The following KALRN variants were observed in gnomAD, a reference collection of about 807,000 sequenced individuals.
KALRN encodes the protein kalirin.
KALRN carries 70 observed loss-of-function variants against 353.7 expected under a neutral mutation model. The ratio of observed to expected loss-of-function variants is 0.20; its 90% CI spans 0.16 to 0.24. KALRN has a LOEUF of 0.24. Ranked by LOEUF, KALRN falls within the 10% of genes least tolerant of loss-of-function variation. The probability of loss-of-function intolerance (pLI) is 1.00; values close to 1 mark genes in which losing one functional copy is unlikely to be tolerated. For synonymous variants in KALRN, 1,391 were observed against 1,434.8 expected (o/e 0.97, Z 0.69); for missense variants, 2,791 against 3,756.7 (o/e 0.74, Z 6.72).
At chr3:124,091,044 C>T (rs757682160) in intron 1 of KALRN, among the ~76,000 whole-genome samples, 33 of 152,326 alleles carry the variant, frequency 2.2e-4, no homozygotes, top group Non-Finnish European at 3.8e-4. Context: ...GGCAGGGGTC[C>T]AACCCACCCT....
intron 57 of KALRN, among the ~76,000 whole-genome samples, chr3:124,705,374 TG>T (rs1179057968): frequency 1.3e-5 from 2 of 152,138 alleles, no homozygotes; most frequent in Admixed American, 6.5e-5. Flanking sequence ...GAAATACAGA[TG>T]TTTTTCACAG....
chr3:124,453,831 C>CT (rs1252158637), intron 21 of KALRN, among the ~76,000 whole-genome samples: 1 of 152,148 alleles, frequency 6.6e-6, no homozygotes, highest in Non-Finnish European at 1.5e-5. Context: ...CCTCCCCTAC[C>CT]CATGCCTGTC....
chr3:124,462,926 A>G (rs2107713461), intron 25 of KALRN, among the ~76,000 whole-genome samples: 1 of 152,362 alleles, frequency 6.6e-6, no homozygotes, highest in African/African-American at 2.4e-5. Context: ...GCTTCTCCTC[A>G]TTAAATCTTG....
chr3:124,559,927 C>T (rs1298405833), intron 33 of KALRN, among the ~76,000 whole-genome samples: 1 of 152,192 alleles, frequency 6.6e-6, no homozygotes, highest in African/African-American at 2.4e-5. Flanking sequence ...AGCTTGAGCC[C>T]GGTTGTCTAC....
At chr3:124,604,294 G>A (rs1268065793) in intron 34 of KALRN, among the ~76,000 whole-genome samples, 9 of 152,162 alleles carry the variant, frequency 5.9e-5, no homozygotes, top group Non-Finnish European at 1.3e-4. Flanking sequence ...ATGCTTTCAT[G>A]TTTTTTAAGC....
rs1302248828 is a variant in KALRN at position 124,235,081 on chromosome 3, C to G, written c.263+138C>G. 2.4e-5 allele frequency: 15 copies of G among 635,408 alleles called. No individual in the cohort carries two copies. In the East Asian group the frequency reaches 3.8e-4, roughly 16 times the overall value. 39.4% of individuals were successfully genotyped at this position (635,408 alleles called of 1,614,324 possible). On this transcript the variant is annotated intron_variant, in intron 3 of 59. Transcript: ENST00000682506. ...TGGATTCTAACCATTCCTGGAACAC[C>G]ATTGTCCATTGTCTGCCTCATTCCC...
chr3:124,665,460 T>G (rs560991469), intron 45 of KALRN, among the ~76,000 whole-genome samples: 2 of 152,306 alleles, frequency 1.3e-5, no homozygotes, highest in Middle Eastern at 3.4e-3. Flanking sequence ...TTTTTAAAAT[T>G]TATTCATGTA....
intron 1 of KALRN, among the ~76,000 whole-genome samples, chr3:124,107,976 A>G (rs1460386224): frequency 6.6e-6 from 1 of 152,212 alleles, no homozygotes; most frequent in East Asian, 1.9e-4. Flanking sequence ...GGCATGACCA[A>G]TCTGATTATG....
intron 33 of KALRN, among the ~76,000 whole-genome samples, chr3:124,500,262 G>T (rs1004157056): frequency 6.6e-6 from 1 of 152,118 alleles, no homozygotes; most frequent in African/African-American, 2.4e-5. Flanking sequence ...TTCCATCTCA[G>T]TGTTCTAGCA....
intron 32 of KALRN, among the ~76,000 whole-genome samples, chr3:124,495,978 T>TGTATATATATATATATATATATACATAC (rs1561136282): frequency 3.8e-5 from 1 of 26,520 alleles, no homozygotes; most frequent in Non-Finnish European, 6.9e-5. Context: ...TATATATATA[T>TGTATATATATATATATATATATACATAC]ATATATATAT....
At chr3:124,601,243 G>C (rs902400377) in intron 34 of KALRN, among the ~76,000 whole-genome samples, 2 of 152,198 alleles carry the variant, frequency 1.3e-5, no homozygotes, top group Non-Finnish European at 2.9e-5. Context: ...GGTAGTTCCT[G>C]GCTACCTGGT....
At chr3:124,200,192 G>C (rs371199909) in intron 1 of KALRN, among the ~76,000 whole-genome samples, 1 of 152,194 alleles carries the variant, frequency 6.6e-6, no homozygotes, top group African/African-American at 2.4e-5. Flanking sequence ...GCTACCACTA[G>C]TAAGCCGTGG....
intron 1 of KALRN, among the ~76,000 whole-genome samples, chr3:124,098,817 T>G (rs2061635643): frequency 6.6e-6 from 1 of 152,106 alleles, no homozygotes; most frequent in African/African-American, 2.4e-5. Context: ...TAAAAAAGAG[T>G]CAACTTAATA....
chr3:124,178,660 A>G (rs1052883964), intron 1 of KALRN, among the ~76,000 whole-genome samples: 1 of 152,204 alleles, frequency 6.6e-6, no homozygotes, highest in African/African-American at 2.4e-5. Context: ...ATAATAGTAC[A>G]CCTGTATAGT....
At chr3:124,174,722 A>G (rs913772323) in intron 1 of KALRN, among the ~76,000 whole-genome samples, 3 of 152,178 alleles carry the variant, frequency 2.0e-5, no homozygotes, top group Non-Finnish European at 4.4e-5. Flanking sequence ...CTCTCCCCCT[A>G]CAGAGCAGGA....
chr3:124,064,108 G>A (rs1210406258), intron 1 of KALRN, among the ~76,000 whole-genome samples: 4 of 152,210 alleles, frequency 2.6e-5, no homozygotes, highest in Admixed American at 6.5e-5. Context: ...ACAGAAATAA[G>A]TAAGATGGCT....
intron 5 of KALRN, among the ~76,000 whole-genome samples, chr3:124,295,835 C>T (rs1286149942): frequency 6.6e-6 from 1 of 152,102 alleles, no homozygotes; most frequent in Middle Eastern, 3.2e-3. Flanking sequence ...CCTCTAAATT[C>T]CTGTCTTCTT....
At chr3:124,506,367 G>A (rs1389418793) in intron 33 of KALRN, among the ~76,000 whole-genome samples, 1 of 152,148 alleles carries the variant, frequency 6.6e-6, no homozygotes, top group Non-Finnish European at 1.5e-5. Flanking sequence ...TGTTGAGCAC[G>A]CATGTTCTCA....
chr3:124,569,068 C>T (rs566524414), intron 34 of KALRN, among the ~76,000 whole-genome samples: 1 of 152,294 alleles, frequency 6.6e-6, no homozygotes, highest in East Asian at 1.9e-4. Flanking sequence ...TACAGGACAC[C>T]TGTGTTCCTT....
Sources: allele counts gnomAD v4.1 joint callset (sites outside exome capture counted in the v4.1 genomes callset), GRCh38; gene constraint gnomAD v4.1.1; transcripts MANE v1.5; gene names NCBI Gene and HGNC (gene_info 2026-07-23, HGNC 2026-07-21).